The following ZMYM4 variants were observed in gnomAD, a reference collection of about 807,000 sequenced individuals.
The protein encoded by ZMYM4 is zinc finger MYM-type containing 4.
Under a neutral mutation model 183.2 loss-of-function variants are expected in ZMYM4, and 31 were observed. The ratio of observed to expected loss-of-function variants is 0.17; its 90% CI spans 0.13 to 0.23. The LOEUF is 0.23. Among genes scored for constraint, ZMYM4 ranks in the 10% least tolerant of loss-of-function variants. The probability of loss-of-function intolerance (pLI) is 1.00; values close to 1 mark genes in which losing one functional copy is unlikely to be tolerated. For synonymous variants in ZMYM4, 592 were observed against 631.2 expected, an observed-to-expected ratio of 0.94 and a Z score of 0.93; for missense variants, 1,273 against 1,840.3, an observed-to-expected ratio of 0.69 and a Z score of 5.64.
intron 2 of ZMYM4, among the ~76,000 whole-genome samples, chr1:35,330,912 A>G (rs1642712204): frequency 6.6e-6 from 1 of 152,216 alleles, no homozygotes; most frequent in African/African-American, 2.4e-5. Flanking sequence ...GGAGTAATTT[A>G]TAAAGTAATT....
intron 9 of ZMYM4, among the ~76,000 whole-genome samples, chr1:35,383,323 CTT>C (rs1644506464): frequency 6.6e-6 from 1 of 151,750 alleles, no homozygotes; most frequent in Non-Finnish European, 1.5e-5. Context: ...TTTATAATGT[CTT>C]TTATGTAAGT....
intron 2 of ZMYM4, 127 bp downstream of exon 2, chr1:35,325,532 T>C: frequency 1.2e-6 from 1 of 814,994 alleles, no homozygotes; most frequent in East Asian, 2.9e-5. Context: ...TCTGATTTAG[T>C]CTAGATCTCA....
At chr1:35,400,646 T>C (rs1239998347) in intron 23 of ZMYM4, among the ~76,000 whole-genome samples, 2 of 152,234 alleles carry the variant, frequency 1.3e-5, no homozygotes, top group African/African-American at 4.8e-5. Flanking sequence ...ATTAAAACAT[T>C]TTTAAGTTCT....
intron 2 of ZMYM4, among the ~76,000 whole-genome samples, chr1:35,338,613 C>T (rs867530724): frequency 6.6e-6 from 1 of 152,184 alleles, no homozygotes; most frequent in African/African-American, 2.4e-5. Context: ...TTGTGGTCAC[C>T]TCACATCTGG....
chr1:35,364,767 T>C (rs1342272722), intron 5 of ZMYM4, among the ~76,000 whole-genome samples: 1 of 152,244 alleles, frequency 6.6e-6, no homozygotes, highest in Non-Finnish European at 1.5e-5. Context: ...TTCTTTGTGC[T>C]TAATTTAGGT....
At position 35,405,398 on chromosome 1, in the gene ZMYM4, A is replaced by C; in HGVS notation, c.3726A>C (p.Pro1242=). The C allele has an allele frequency of 6.2e-7, 1 of 1,613,480 alleles. No homozygotes were observed. Among genetic ancestry groups the C allele is most frequent in the East Asian group, 2.2e-5 (1 of 44,860 alleles). The part of the protein sequence containing the change: ...CGGVEQASSS[P]RSDPLGSTQD... ...GGGTTGAACAGGCCTCATCTAGCCCACGTTCTGACCCCTTAGGAAGTACTC... is the reference window on the plus strand; with the variant it reads ...GGGTTGAACAGGCCTCATCTAGCCCCCGTTCTGACCCCTTAGGAAGTACTC... The change falls in exon 25 of 30, where the codon CCA becomes CCC. Residue 1242 remains proline, a synonymous_variant. Coordinates refer to ENST00000314607, the MANE Select transcript of ZMYM4 (RefSeq NM_005095.3).
At chr1:35,312,553 CT>C (rs1391802422) in intron 1 of ZMYM4, among the ~76,000 whole-genome samples, 1 of 152,180 alleles carries the variant, frequency 6.6e-6, no homozygotes, top group African/African-American at 2.4e-5. Context: ...TTTAATCTGT[CT>C]TAATAAATTA....
In ZMYM4 at chr1:35,361,048, G is replaced by C. The variant is rs1643925608; in HGVS notation, c.608-146G>C. 10 of 562,108 alleles carry C rather than the reference G, an allele frequency of 1.8e-5. No homozygotes were observed. The South Asian group carries it at 3.4e-4, about 19-fold the overall frequency. The allele number at this position is 562,108 out of a possible 1,614,324, so 34.8% of individuals were successfully genotyped here. ...AGAACTTTGAGTGAAAATACCTTTT[G>C]GGTGTTTTTGGGACCCAGTTCACTC... On this transcript the variant is annotated intron_variant, in intron 3 of 29. Transcript: ENST00000314607.
intron 1 of ZMYM4, among the ~76,000 whole-genome samples, chr1:35,316,011 T>C (rs1642029786): frequency 6.6e-6 from 1 of 152,236 alleles, no homozygotes; most frequent in African/African-American, 2.4e-5. Flanking sequence ...ACCTACTTTT[T>C]ATAGTTTTCT....
At chr1:35,396,429 T>C (rs754894516) in intron 18 of ZMYM4, 123 bp from the exon 19 acceptor site, 68 of 1,346,706 alleles carry the variant, frequency 5.0e-5, no homozygotes, top group Admixed American at 1.4e-4. Context: ...TAAGAAGTCC[T>C]GTAGTGTCAT....
At position 35,322,230 on chromosome 1, in the gene ZMYM4, TTTAA is replaced by T. The variant is rs147096513; in HGVS notation, c.40-3127_40-3124del. Among the ~76,000 whole-genome samples the T allele has an allele frequency of 8.4e-3, 1,280 of 152,312 alleles. 16 individuals carry two copies. The highest frequency in any genetic ancestry group is 0.029 in the African/African-American group (1,215 of 41,578). On this transcript the variant is annotated intron_variant, in intron 1 of 29. Transcript: ENST00000314607. ...ATCACTTTCTATTGGGATAGTACTC[TTTAA>T]TTGAGTCCAAGATTGCTTTATACAT...
chr1:35,393,505 T>TA, intron 17 of ZMYM4, 90 bp from the exon 18 acceptor site: 1 of 1,219,318 alleles, frequency 8.2e-7, no homozygotes, highest in Non-Finnish European at 1.1e-6. Flanking sequence ...GTAATTCCAA[T>TA]ATGACATTTC....
In ZMYM4 at chr1:35,393,747, C is replaced by T. The variant is rs751050171; in HGVS notation, c.2911+8C>T. The T allele has an allele frequency of 1.3e-6, 2 of 1,577,468 alleles. No individual in the cohort carries two copies. Among genetic ancestry groups the T allele is most frequent in the East Asian group, 2.3e-5 (1 of 43,986 alleles). On this transcript the variant is annotated splice_region_variant and intron_variant, in intron 18 of 29. Coordinates refer to ENST00000314607, the MANE Select transcript of ZMYM4 (RefSeq NM_005095.3). ...ACAAAGAATGCCAGACAGGTATGTTCCTTGGTCTTTCTTTCTTTATTAATT... is the reference window on the plus strand; with the variant it reads ...ACAAAGAATGCCAGACAGGTATGTTTCTTGGTCTTTCTTTCTTTATTAATT...
At chr1:35,352,386 G>GCACACACACACACA (rs374281470) in intron 2 of ZMYM4, among the ~76,000 whole-genome samples, 16 of 128,466 alleles carry the variant, frequency 1.2e-4, no homozygotes, top group African/African-American at 4.1e-4. Flanking sequence ...AAAAATTAGC[G>GCACACACACACACA]CACACACACA....
At chr1:35,346,779 G>A (rs1036033461) in intron 2 of ZMYM4, among the ~76,000 whole-genome samples, 1 of 151,648 alleles carries the variant, frequency 6.6e-6, no homozygotes, top group Non-Finnish European at 1.5e-5. Context: ...TGTACTGTGT[G>A]AACTACACAT....
At chr1:35,293,817 A>T (rs906509757) in intron 1 of ZMYM4, among the ~76,000 whole-genome samples, 1 of 152,072 alleles carries the variant, frequency 6.6e-6, no homozygotes, top group Non-Finnish European at 1.5e-5. Context: ...GGGAATAAAC[A>T]TACTCTTTTT....
intron 1 of ZMYM4, among the ~76,000 whole-genome samples, chr1:35,323,218 T>C (rs1570352249): frequency 6.6e-6 from 1 of 152,094 alleles, no homozygotes; most frequent in East Asian, 1.9e-4. Flanking sequence ...GCCAGGCTGG[T>C]CTTGAACTCC....
intron 27 of ZMYM4, among the ~76,000 whole-genome samples, chr1:35,414,549 T>C (rs192629134): frequency 2.0e-5 from 3 of 152,336 alleles, no homozygotes; most frequent in Admixed American, 2.0e-4. Context: ...TGCTTAGTAA[T>C]ATATGCACCT....
intron 1 of ZMYM4, among the ~76,000 whole-genome samples, chr1:35,274,605 GT>G (rs149811688): frequency 1.5e-4 from 20 of 132,558 alleles, no homozygotes; most frequent in African/African-American, 4.3e-4. Context: ...GAGAGACACT[GT>G]TTTTTTTTTT....
Sources: gnomAD v4.1 joint callset for allele counts (sites outside exome capture counted in the v4.1 genomes callset) on GRCh38, gnomAD v4.1.1 for gene constraint, MANE v1.5 for transcripts, NCBI Gene and HGNC (gene_info 2026-07-23, HGNC 2026-07-21) for gene names.